Variants in CLSTN2 observed in about 807,000 individuals in gnomAD.
The protein encoded by CLSTN2 is calsyntenin-2.
In CLSTN2, 48 loss-of-function variants were observed where a neutral mutation model predicts 101.2. That is an observed-to-expected ratio of 0.47 (90% CI 0.38 to 0.60). The LOEUF (loss-of-function observed/expected upper bound fraction) is 0.60. Among genes scored for constraint, CLSTN2 ranks in the 20% least tolerant of loss-of-function variants. The probability of loss-of-function intolerance (pLI) is 0.00; values close to 1 mark genes in which losing one functional copy is unlikely to be tolerated. For missense variants in CLSTN2, 1,160 were observed against 1,238.2 expected, an observed-to-expected ratio of 0.94 and a Z score of 0.95; for synonymous variants, 481 against 463.6, an observed-to-expected ratio of 1.04 and a Z score of -0.48.
chr3:140,156,125 A>G (rs1191407571), intron 1 of CLSTN2, among the ~76,000 whole-genome samples: 1 of 152,100 alleles, frequency 6.6e-6, no homozygotes, highest in Non-Finnish European at 1.5e-5. Flanking sequence ...TAGGACAGGG[A>G]TAGCAAATAA....
intron 8 of CLSTN2, among the ~76,000 whole-genome samples, chr3:140,513,102 C>A (rs1576606368): frequency 1.3e-5 from 2 of 152,180 alleles, no homozygotes; most frequent in East Asian, 1.9e-4. Context: ...ACTTTTATTT[C>A]TTTCTCTTGC....
At chr3:140,171,672 ATGTAT>A (rs1559797174) in intron 1 of CLSTN2, among the ~76,000 whole-genome samples, 14 of 12,866 alleles carry the variant, frequency 1.1e-3, no homozygotes, top group Non-Finnish European at 1.3e-3. Context: ...TATATATAAT[ATGTAT>A]TATATATAAT....
intron 2 of CLSTN2, among the ~76,000 whole-genome samples, chr3:140,208,839 G>C (rs987768039): frequency 6.6e-6 from 1 of 152,114 alleles, no homozygotes; most frequent in African/African-American, 2.4e-5. Context: ...GGGTAGTTGG[G>C]AGAATAAAGG....
chr3:140,152,028 G>A (rs186899272), intron 1 of CLSTN2, among the ~76,000 whole-genome samples: 125 of 152,250 alleles, frequency 8.2e-4, no homozygotes, highest in Admixed American at 2.2e-3. Flanking sequence ...CCAGCCCCTG[G>A]CTCCTGAAAG....
chr3:139,960,611 C>T (rs944537112), intron 1 of CLSTN2, among the ~76,000 whole-genome samples: 12 of 152,236 alleles, frequency 7.9e-5, no homozygotes, highest in Non-Finnish European at 1.5e-4. Flanking sequence ...CTTTCCTTCT[C>T]TGCCTTCCAT....
intron 2 of CLSTN2, among the ~76,000 whole-genome samples, chr3:140,214,717 C>T (rs931333378): frequency 6.6e-6 from 1 of 152,162 alleles, no homozygotes; most frequent in Non-Finnish European, 1.5e-5. Flanking sequence ...ATTCCCACAC[C>T]AAGTCATTGC....
intron 2 of CLSTN2, among the ~76,000 whole-genome samples, chr3:140,370,868 C>T: frequency 6.6e-6 from 1 of 152,100 alleles, no homozygotes; most frequent in East Asian, 1.9e-4. Flanking sequence ...ACACATGCCC[C>T]ACCCTAGCAC....
At chr3:140,369,533 CACAA>C (rs2087827470) in intron 2 of CLSTN2, among the ~76,000 whole-genome samples, 1 of 151,970 alleles carries the variant, frequency 6.6e-6, no homozygotes, top group African/African-American at 2.4e-5. Flanking sequence ...ATCCTCTGGA[CACAA>C]ACAAAATCTG....
chr3:140,448,509 G>T lies in CLSTN2; in HGVS notation c.788-10G>T. The T allele has an allele frequency of 6.3e-7, 1 of 1,598,836 alleles. No individual in the cohort carries two copies. The highest frequency in any genetic ancestry group is 8.6e-7 in the Non-Finnish European group (1 of 1,168,444). On this transcript the variant is annotated splice_polypyrimidine_tract_variant and intron_variant, in intron 5 of 16. Coordinates refer to ENST00000458420, the MANE Select transcript of CLSTN2 (RefSeq NM_022131.3). Reference sequence around the variant, plus strand: ...CTGATTCACTTTTCATCCTTTCCTTGTTTGTTTAGACTGGACCAAGAGGAT... The same window carrying T: ...CTGATTCACTTTTCATCCTTTCCTTTTTTGTTTAGACTGGACCAAGAGGAT...
At chr3:140,548,172 C>T (rs1008885170) in intron 10 of CLSTN2, among the ~76,000 whole-genome samples, 6 of 152,192 alleles carry the variant, frequency 3.9e-5, no homozygotes, top group South Asian at 4.1e-4. Flanking sequence ...CTTCCATAAT[C>T]GTTCCATGGA....
At chr3:140,529,222 C>G (rs1935205406) in intron 8 of CLSTN2, among the ~76,000 whole-genome samples, 1 of 152,212 alleles carries the variant, frequency 6.6e-6, no homozygotes, top group Non-Finnish European at 1.5e-5. Context: ...TCCCTGCTAC[C>G]CTTCCTGAAC....
intron 1 of CLSTN2, among the ~76,000 whole-genome samples, chr3:140,150,584 C>A (rs2009848860): frequency 6.6e-6 from 1 of 152,150 alleles, no homozygotes; most frequent in Admixed American, 6.5e-5. Flanking sequence ...GGCCCTTATT[C>A]AGTGACTGAT....
At chr3:139,993,800 C>T (rs1046919658) in intron 1 of CLSTN2, among the ~76,000 whole-genome samples, 3 of 152,080 alleles carry the variant, frequency 2.0e-5, no homozygotes, top group South Asian at 4.2e-4. Flanking sequence ...ATCTGACAAA[C>T]GGGTATAAAA....
chr3:140,226,389 G>A (rs749527180), intron 2 of CLSTN2, among the ~76,000 whole-genome samples: 9 of 152,200 alleles, frequency 5.9e-5, no homozygotes, highest in Non-Finnish European at 1.2e-4. Context: ...AAGACACATA[G>A]GATTTCTCTG....
chr3:140,135,518 A>G (rs1395345742), intron 1 of CLSTN2, among the ~76,000 whole-genome samples: 2 of 152,188 alleles, frequency 1.3e-5, no homozygotes, highest in East Asian at 1.9e-4. Context: ...GATAGAAGAA[A>G]TCCATGAGCA....
intron 2 of CLSTN2, among the ~76,000 whole-genome samples, chr3:140,332,771 G>T (rs1272723850): frequency 6.8e-6 from 1 of 146,676 alleles, no homozygotes; most frequent in Non-Finnish European, 1.5e-5. Context: ...TAGGAGACAA[G>T]GAGGAGTAAG....
intron 1 of CLSTN2, among the ~76,000 whole-genome samples, chr3:139,979,420 TA>T (rs1461320068): frequency 6.6e-6 from 1 of 152,182 alleles, no homozygotes; most frequent in African/African-American, 2.4e-5. Flanking sequence ...GGCAAGTAGC[TA>T]AAGTCCAGGT....
chr3:140,276,449 GC>G (rs1207560037), intron 2 of CLSTN2, among the ~76,000 whole-genome samples: 7 of 152,184 alleles, frequency 4.6e-5, no homozygotes, highest in Admixed American at 4.6e-4. Context: ...AGGAAAGGCA[GC>G]CACCATGTGG....
At chr3:140,077,820 G>C (rs115820566) in intron 1 of CLSTN2, among the ~76,000 whole-genome samples, 66 of 152,256 alleles carry the variant, frequency 4.3e-4, no homozygotes, top group African/African-American at 1.6e-3. Context: ...TGCCGTAGCT[G>C]CTTATGTTTG....
Sources: allele counts gnomAD v4.1 joint callset (sites outside exome capture counted in the v4.1 genomes callset), GRCh38; gene constraint gnomAD v4.1.1; transcripts MANE v1.5; gene names NCBI Gene and HGNC (gene_info 2026-07-23, HGNC 2026-07-21).